OSTC: variants seen among roughly 807,000 people sequenced by gnomAD.
The protein encoded by OSTC is oligosaccharyltransferase complex subunit OSTC.
Under a neutral mutation model 16.4 loss-of-function variants are expected in OSTC, and 16 were observed. The ratio of observed to expected loss-of-function variants is 0.98; its 90% CI spans 0.66 to 1.49. The LOEUF is 1.49. Among genes scored for constraint, OSTC ranks in the 40% most tolerant of loss-of-function variants. The pLI is 0.00. For synonymous variants in OSTC, 67 were observed against 68.5 expected (o/e 0.98, Z 0.11); for missense variants, 139 against 186.3 (o/e 0.75, Z 1.48).
At chr4:108,663,647 G>A (rs965809693) in intron 3 of OSTC, among the ~76,000 whole-genome samples, 4 of 152,156 alleles carry the variant, frequency 2.6e-5, no homozygotes, top group East Asian at 1.9e-4. Context: ...TTGAGCAAAC[G>A]ACTTAATTGC....
At chr4:108,655,803 A>G in intron 2 of OSTC, 146 bp downstream of exon 2, 1 of 600,368 alleles carries the variant, frequency 1.7e-6, no homozygotes, top group Admixed American at 3.5e-5. Context: ...GAAATGGCAG[A>G]AAGTGAGTCA....
At chr4:108,654,187 G>A (rs1221010783) in intron 1 of OSTC, among the ~76,000 whole-genome samples, 1 of 152,208 alleles carries the variant, frequency 6.6e-6, no homozygotes, top group Admixed American at 6.5e-5. Context: ...GAGATCATTG[G>A]TGACCTTAGA....
At chr4:108,658,812 G>A (rs1726778254) in intron 3 of OSTC, among the ~76,000 whole-genome samples, 3 of 151,878 alleles carry the variant, frequency 2.0e-5, no homozygotes, top group Non-Finnish European at 4.4e-5. Flanking sequence ...TCCATTGTCT[G>A]TAACACACCT....
chr4:108,665,533 G>GTTT (rs33968685), intron 3 of OSTC, among the ~76,000 whole-genome samples: 2,649 of 125,894 alleles, frequency 0.021, 92 homozygotes, highest in African/African-American at 0.065. Context: ...AGGATGTTTT[G>GTTT]TGTTTTGTTT....
intron 3 of OSTC, among the ~76,000 whole-genome samples, chr4:108,660,917 C>T (rs945830847): frequency 1.3e-5 from 2 of 151,956 alleles, no homozygotes; most frequent in African/African-American, 4.8e-5. Flanking sequence ...GAAGAAACGT[C>T]GAAAATGAAT....
chr4:108,663,358 C>G (rs948704631), intron 3 of OSTC: 20 of 359,458 alleles, frequency 5.6e-5, no homozygotes, highest in South Asian at 4.0e-4. Context: ...ACTACAGGCG[C>G]CCACCACCAT....
chr4:108,657,470 T>G lies in OSTC; in HGVS notation c.254T>G (p.Met85Arg). 1 of 1,612,428 alleles carries G rather than the reference T, an allele frequency of 6.2e-7. No homozygotes were observed. The highest frequency in any genetic ancestry group is 8.5e-7 in the Non-Finnish European group (1 of 1,178,576). ...TCCAGAGTAAATGGACAATATATTATGGAAGGACTTGCATCCAGCTTCCTA... is the reference window on the plus strand; with the variant it reads ...TCCAGAGTAAATGGACAATATATTAGGGAAGGACTTGCATCCAGCTTCCTA... The part of the protein sequence containing the change: ...LAYRVNGQYI[M>R]EGLASSFLFT... The change falls in exon 3 of 4, where the codon ATG (methionine) becomes AGG (arginine). Residue 85 changes from methionine to arginine, a missense_variant. Transcript: ENST00000361564.
At chr4:108,656,192 C>T (rs1256287265) in intron 2 of OSTC, among the ~76,000 whole-genome samples, 2 of 151,966 alleles carry the variant, frequency 1.3e-5, no homozygotes, top group Non-Finnish European at 2.9e-5. Flanking sequence ...TCAGTGAAAC[C>T]CCGTTCCAGT....
At chr4:108,664,021 AT>A (rs1210807856) in intron 3 of OSTC, among the ~76,000 whole-genome samples, 1 of 152,204 alleles carries the variant, frequency 6.6e-6, no homozygotes, top group African/African-American at 2.4e-5. Flanking sequence ...TTGAGTATAT[AT>A]TATAGTAAGT....
intron 3 of OSTC, among the ~76,000 whole-genome samples, chr4:108,665,698 T>C (rs1451330382): frequency 6.6e-6 from 1 of 151,924 alleles, no homozygotes; most frequent in Non-Finnish European, 1.5e-5. Flanking sequence ...TAGCTGAGAT[T>C]ACAGGCGTCT....
intron 2 of OSTC, 118 bp from the exon 3 acceptor site, chr4:108,657,332 G>T (rs778414518): frequency 4.8e-6 from 4 of 838,462 alleles, no homozygotes; most frequent in Non-Finnish European, 7.4e-6. Context: ...TAGTTGTAAG[G>T]CTAAGAATAA....
chr4:108,656,695 T>C (rs931651610), intron 2 of OSTC, among the ~76,000 whole-genome samples: 1 of 152,028 alleles, frequency 6.6e-6, no homozygotes, highest in Admixed American at 6.6e-5. Context: ...ATATTTCCAT[T>C]TGAAACAAGA....
chr4:108,657,865 G>T (rs1354487538), intron 3 of OSTC, among the ~76,000 whole-genome samples: 1 of 144,466 alleles, frequency 6.9e-6, no homozygotes, highest in Non-Finnish European at 1.5e-5. Flanking sequence ...GTTCATGAGA[G>T]AAAATTTAGT....
At chr4:108,656,619 GT>G (rs1314781045) in intron 2 of OSTC, among the ~76,000 whole-genome samples, 1 of 151,722 alleles carries the variant, frequency 6.6e-6, no homozygotes, top group Non-Finnish European at 1.5e-5. Flanking sequence ...AATTAGAGGG[GT>G]TTGTAGTTCA....
intron 3 of OSTC, chr4:108,663,387 A>AT (rs1409162089): frequency 3.0e-6 from 1 of 338,754 alleles, no homozygotes; most frequent in Non-Finnish European, 5.8e-6. Context: ...CATTTTTTGT[A>AT]TTTTTAGTAG....
chr4:108,661,469 G>A (rs983344395), intron 3 of OSTC, among the ~76,000 whole-genome samples: 9 of 151,998 alleles, frequency 5.9e-5, no homozygotes, highest in East Asian at 3.9e-4. Context: ...AATAATGTTC[G>A]GTTACTGAGT....
At chr4:108,667,202 A>G (rs751525640) in intron 3 of OSTC, 45 bp from the exon 4 acceptor site, 3 of 1,554,524 alleles carry the variant, frequency 1.9e-6, no homozygotes, top group African/African-American at 1.4e-5. Context: ...GAGAATATAA[A>G]AACAATTCTT....
intron 3 of OSTC, among the ~76,000 whole-genome samples, chr4:108,659,064 C>T (rs977068362): frequency 6.6e-4 from 16 of 24,122 alleles, no homozygotes; most frequent in African/African-American, 2.6e-3. Flanking sequence ...CTGCAACCTC[C>T]GCCTCCCAGG....
chr4:108,655,427 C>T, intron 1 of OSTC, 137 bp from the exon 2 acceptor site: 1 of 518,354 alleles, frequency 1.9e-6, no homozygotes, highest in South Asian at 2.9e-5. Flanking sequence ...AGTGGCGCCA[C>T]TGCACTCTCA....
Sources: gnomAD v4.1 joint callset for allele counts (sites outside exome capture counted in the v4.1 genomes callset) on GRCh38, gnomAD v4.1.1 for gene constraint, MANE v1.5 for transcripts, NCBI Gene and HGNC (gene_info 2026-07-23, HGNC 2026-07-21) for gene names.